Variants in MYO5C observed in about 807,000 individuals in gnomAD.
MYO5C encodes myosin VC.
MYO5C carries 194 observed loss-of-function variants against 235.7 expected under a neutral mutation model. The observed-to-expected ratio is 0.82, with a 90% CI of 0.73 to 0.93. MYO5C has a LOEUF of 0.93. Among genes scored for constraint, MYO5C ranks in the 40% least tolerant of loss-of-function variants. The probability of loss-of-function intolerance (pLI) is 0.00; values close to 1 mark genes in which losing one functional copy is unlikely to be tolerated. For missense variants in MYO5C, 2,038 were observed against 2,127.2 expected (o/e 0.96, Z 0.82); for synonymous variants, 707 against 754.8 (o/e 0.94, Z 1.04).
intron 19 of MYO5C, 122 bp from the exon 20 acceptor site, chr15:52,242,335 A>G (rs1221912846): frequency 4.6e-6 from 5 of 1,078,714 alleles, no homozygotes; most frequent in African/African-American, 3.1e-5. Flanking sequence ...ACCTCTCCAC[A>G]TTAAACTCTG....
chr15:52,198,245 G>T (rs2035099732), intron 38 of MYO5C, among the ~76,000 whole-genome samples: 1 of 152,126 alleles, frequency 6.6e-6, no homozygotes, highest in Admixed American at 6.5e-5. Flanking sequence ...TGAGACAGGA[G>T]AATCACTTGA....
In MYO5C at chr15:52,225,146, G is replaced by A. The variant is rs2035792711; in HGVS notation, c.3302-8C>T. On this transcript the variant is annotated splice_polypyrimidine_tract_variant and splice_region_variant and intron_variant, in intron 26 of 40. Coordinates refer to ENST00000261839, the MANE Select transcript of MYO5C (RefSeq NM_018728.4). ...TGATCTCTGACATCTTTTCTGAAAG[G>A]GAAAGGCAGAGTTGTATATATTACA... 5 of 1,613,626 alleles carry A rather than the reference G, an allele frequency of 3.1e-6. No individual in the cohort carries two copies. Among genetic ancestry groups the A allele is most frequent in the Non-Finnish European group, 3.4e-6 (4 of 1,179,876 alleles).
At chr15:52,293,438 C>T (rs2037435470) in intron 1 of MYO5C, among the ~76,000 whole-genome samples, 1 of 152,170 alleles carries the variant, frequency 6.6e-6, no homozygotes, top group Admixed American at 6.5e-5. Flanking sequence ...CTCCCTCTGA[C>T]ACCTCCCACC....
In MYO5C at chr15:52,220,842, T is replaced by A. The variant is rs201466597; in HGVS notation, c.3721+320A>T. ...TCAGTCTCAAAAAAAAAAAAAAAAATTTTTTTTGTAGAGATGAGGTTTCAT... is the reference window on the plus strand; with the variant it reads ...TCAGTCTCAAAAAAAAAAAAAAAAAATTTTTTTGTAGAGATGAGGTTTCAT... On this transcript the variant is annotated intron_variant, in intron 30 of 40. Transcript: ENST00000261839. Among the ~76,000 whole-genome samples, 313 of 115,428 alleles carry A rather than the reference T, an allele frequency of 2.7e-3. 1 individual carries two copies. Among genetic ancestry groups the A allele is most frequent in the Middle Eastern group, 0.012 (3 of 250 alleles). The allele number at this position is 115,428 out of a possible 152,430, so 75.7% of individuals were successfully genotyped here.
intron 5 of MYO5C, among the ~76,000 whole-genome samples, chr15:52,274,857 A>C (rs571800402): frequency 1.3e-5 from 2 of 152,256 alleles, no homozygotes; most frequent in Non-Finnish European, 2.9e-5. Context: ...AAACAGGGAG[A>C]AGAGGTCTAG....
Position 52,227,920 on chromosome 15 carries a change from C to T in MYO5C, c.3207+1213G>A, listed in dbSNP as rs562398728. On this transcript the variant is annotated intron_variant, in intron 25 of 40. Transcript: ENST00000261839. ...AAATACTCTACTAATATGTATTTCA[C>T]ATATTTAGTAGAAGCTTAAAAGCTT... Among the ~76,000 whole-genome samples the T allele has an allele frequency of 1.2e-4, 19 of 152,296 alleles. 1 individual carries two copies. The East Asian group carries it at 3.5e-3, about 28-fold the overall frequency.
At position 52,256,562 on chromosome 15, in the gene MYO5C, A is replaced by AACACACACACACACACACAC. The variant is rs373248361; in HGVS notation, c.1395+57_1395+76dup. ...AGAAAGAAGAATGCCTCTTTCCACG[A>AACACACACACACACACACAC]ACACACACACACACACACACACACA... On this transcript the variant is annotated intron_variant, in intron 11 of 40. Transcript: ENST00000261839. 8.5e-5 allele frequency: 54 copies of AACACACACACACACACACAC among 632,328 alleles called. No individual in the cohort carries two copies. In the African/African-American group the frequency reaches 9.3e-4, roughly 11 times the overall value. 39.2% of individuals were successfully genotyped at this position (632,328 alleles called of 1,614,324 possible). A position where few individuals can be genotyped will look rare whatever the true frequency, so the allele number is the denominator to read the frequency against.
intron 24 of MYO5C, among the ~76,000 whole-genome samples, chr15:52,230,826 C>CT (rs67197964): frequency 0.18 from 22,760 of 128,552 alleles, 3,727 homozygotes; most frequent in East Asian, 0.6. Flanking sequence ...AGAAGTCTTC[C>CT]TTTTTTTTTT....
rs941660860 is a variant in MYO5C, at chr15:52,223,592, G to A, written c.3579C>T (p.Ile1193=). The A allele has an allele frequency of 4.3e-6, 7 of 1,614,094 alleles. No homozygotes were observed. The South Asian group carries it at 6.6e-5, about 15-fold the overall frequency. ...TAACTTCATGACGGATGCTTTCATTGATGTCATTTTCTTCTCTGAATAACT... is the reference window on the plus strand; with the variant it reads ...TAACTTCATGACGGATGCTTTCATTAATGTCATTTTCTTCTCTGAATAACT... ...LQKLFREEND[I]NESIRHEVTR... The change falls in exon 29 of 41, where the codon ATC becomes ATT. Residue 1193 remains isoleucine, a synonymous_variant. Transcript: ENST00000261839.
chr15:52,268,487 G>A (rs927984843), intron 8 of MYO5C, among the ~76,000 whole-genome samples: 4 of 152,112 alleles, frequency 2.6e-5, no homozygotes, highest in African/African-American at 4.8e-5. Flanking sequence ...CGCTTGAATC[G>A]GGGAGGCAGA....
chr15:52,256,680 T>C lies in MYO5C; in HGVS notation c.1354A>G (p.Ile452Val), dbSNP rs926543014. Residue 452 changes from isoleucine (I) to valine (V), a missense_variant, in exon 11 of 41, where the codon ATC becomes GTC. By Grantham distance (29) the Ile-to-Val change is conservative. Transcript: ENST00000261839. ...TGCAGTTTTTCATTAGCGTAATTGATGCAAAATTGTTCAAAGCTGTTCACA... is the reference window on the plus strand; with the variant it reads ...TGCAGTTTTTCATTAGCGTAATTGACGCAAAATTGTTCAAAGCTGTTCACA... ...FDVNSFEQFC[I>V]NYANEKLQQQ... 5 of 1,613,364 alleles carry C rather than the reference T, an allele frequency of 3.1e-6. No homozygotes were observed. The highest frequency in any genetic ancestry group is 1.7e-5 in the Admixed American group (1 of 59,964).
intron 40 of MYO5C, among the ~76,000 whole-genome samples, 155 bp from the exon 41 acceptor site, chr15:52,194,209 C>CA: frequency 6.6e-6 from 1 of 152,350 alleles, no homozygotes; most frequent in South Asian, 2.1e-4. Flanking sequence ...AACAACAGCA[C>CA]AATTCCAAAG....
At chr15:52,255,264 G>A (rs917379660) in intron 11 of MYO5C, among the ~76,000 whole-genome samples, 7 of 152,222 alleles carry the variant, frequency 4.6e-5, no homozygotes, top group Non-Finnish European at 1.0e-4. Flanking sequence ...TTTAGTTTGA[G>A]CCAAAGCCCA....
At chr15:52,245,557 G>T (rs75129292) in intron 17 of MYO5C, 92 bp from the exon 18 acceptor site, 2 of 874,048 alleles carry the variant, frequency 2.3e-6, no homozygotes, top group African/African-American at 3.3e-5. Flanking sequence ...TGTTGTCATA[G>T]GGCGGGGGTG....
intron 25 of MYO5C, among the ~76,000 whole-genome samples, chr15:52,228,880 A>C (rs866708410): frequency 6.6e-5 from 10 of 152,380 alleles, no homozygotes; most frequent in Middle Eastern, 3.4e-3. Context: ...TATTCTCTAC[A>C]TCGACATATT....
intron 25 of MYO5C, among the ~76,000 whole-genome samples, chr15:52,226,104 A>G (rs1293887570): frequency 4.6e-5 from 7 of 151,788 alleles, no homozygotes; most frequent in Non-Finnish European, 1.0e-4. Flanking sequence ...AATACCTACT[A>G]TAAGCTTGGG....
chr15:52,223,506 A>G, intron 29 of MYO5C, 38 bp downstream of exon 29: 3 of 1,588,730 alleles, frequency 1.9e-6, no homozygotes, highest in Middle Eastern at 1.7e-4. Flanking sequence ...CAACTCTAGT[A>G]TGATGGCCAC....
At chr15:52,277,022 C>T in intron 4 of MYO5C, 1 of 453,160 alleles carries the variant, frequency 2.2e-6, no homozygotes, top group East Asian at 7.1e-5. Context: ...AGAGCCACAG[C>T]CTCCCATGTA....
In MYO5C at chr15:52,247,509, C is replaced by T. The variant is rs1435898038; in HGVS notation, c.1830G>A (p.Lys610=). ...GCTTGCTGTTTGGCTTGATGACTTG[C>T]TTTGCAGATTTAACTGTAATCATTG... is the stretch of plus-strand genomic sequence containing the variant. ...FGSMITVKSA[K]QVIKPNSKHF... Residue 610 remains lysine, a synonymous_variant, in exon 15 of 41, where the codon AAG becomes AAA. Coordinates refer to ENST00000261839, the MANE Select transcript of MYO5C (RefSeq NM_018728.4). The T allele has an allele frequency of 4.3e-6, 7 of 1,614,060 alleles. No individual in the cohort carries two copies. Among genetic ancestry groups the T allele is most frequent in the Non-Finnish European group, 5.9e-6 (7 of 1,180,036 alleles).
Sources: gnomAD v4.1 joint callset for allele counts (sites outside exome capture counted in the v4.1 genomes callset) on GRCh38, gnomAD v4.1.1 for gene constraint, MANE v1.5 for transcripts, NCBI Gene and HGNC (gene_info 2026-07-23, HGNC 2026-07-21) for gene names.